LRRK1: variants seen among roughly 807,000 people sequenced by gnomAD.
LRRK1 encodes the protein leucine rich repeat kinase 1, also known as leucine-rich repeat serine/threonine-protein kinase 1.
Under a neutral mutation model 209.1 loss-of-function variants are expected in LRRK1, and 113 were observed. The observed-to-expected ratio is 0.54, with a 90% CI of 0.46 to 0.63. The LOEUF (loss-of-function observed/expected upper bound fraction) is 0.63. Ranked by LOEUF, LRRK1 falls within the 30% of genes least tolerant of loss-of-function variation. The pLI is 0.00. For missense variants in LRRK1, 2,284 were observed against 2,632.2 expected (o/e 0.87, Z 2.89); for synonymous variants, 1,144 against 1,099.7 (o/e 1.04, Z -0.80).
chr15:101,044,537 C>T (rs759717701), intron 20 of LRRK1, among the ~76,000 whole-genome samples: 15 of 152,218 alleles, frequency 9.9e-5, no homozygotes, highest in Non-Finnish European at 1.8e-4. Context: ...ACCTGGAGAC[C>T]ACTGCTTCCC....
intron 10 of LRRK1, among the ~76,000 whole-genome samples, chr15:101,013,821 T>C (rs2033399482): frequency 6.6e-6 from 1 of 151,954 alleles, no homozygotes; most frequent in African/African-American, 2.4e-5. Flanking sequence ...GCAGAGGGCA[T>C]GCGGCTAGGA....
intron 21 of LRRK1, 144 bp from the exon 22 acceptor site, chr15:101,048,350 C>A: frequency 1.7e-6 from 1 of 582,564 alleles, no homozygotes; most frequent in Non-Finnish European, 2.9e-6. Flanking sequence ...AATTTGGCAG[C>A]AGGGATGAGC....
Position 101,022,583 on chromosome 15 carries a change from G to A in LRRK1, c.2053G>A (p.Gly685Ser). ...CAAGTGGGAGCTCCAGAGGCCGGCT[G>A]GCTCGAGAGCCAAGGTCAAGGATGG... ...TTKWELQRPA[G>S]SRAKVESVEF... The change falls in exon 15 of 34, where the codon GGC (glycine) becomes AGC (serine). Residue 685 changes from glycine to serine, a missense_variant. Around this residue, in one of 6 missense-constraint regions of LRRK1, gnomAD observed 780 missense variants for 985.2 expected, o/e 0.79. Transcript: ENST00000388948. This position sits in a 1 kb window ranked among gnomAD's most constrained non-coding sequence, Gnocchi z 4.0. The A allele has an allele frequency of 6.2e-7, 1 of 1,611,246 alleles. No individual in the cohort carries two copies. The highest frequency in any genetic ancestry group is 1.3e-5 in the African/African-American group (1 of 75,014).
At chr15:100,989,660 C>T in intron 6 of LRRK1, 1 of 577,618 alleles carries the variant, frequency 1.7e-6, no homozygotes. Context: ...AACCCACTTC[C>T]ACAATAACAA....
At chr15:100,958,745 C>T (rs189853568) in intron 2 of LRRK1, among the ~76,000 whole-genome samples, 2 of 152,304 alleles carry the variant, frequency 1.3e-5, no homozygotes, top group African/African-American at 4.8e-5. Flanking sequence ...CTCACAATAA[C>T]CCCTCTGAAG....
At chr15:100,971,902 C>T (rs570225837) in intron 2 of LRRK1, among the ~76,000 whole-genome samples, 2 of 152,228 alleles carry the variant, frequency 1.3e-5, no homozygotes, top group African/African-American at 4.8e-5. Flanking sequence ...TCTTTTTGTG[C>T]CTGCTTATTT....
chr15:101,056,964 C>T lies in LRRK1; in HGVS notation c.4441C>T (p.Arg1481Cys). 3.1e-6 allele frequency: 5 copies of T among 1,614,168 alleles called. No homozygotes were observed. Among genetic ancestry groups the T allele is most frequent in the South Asian group, 1.1e-5 (1 of 91,070 alleles). The change falls in exon 28 of 34, where the codon CGC (arginine) becomes TGC (cysteine). Residue 1481 changes from arginine to cysteine, a missense_variant. Around this residue, in one of 6 missense-constraint regions of LRRK1, gnomAD observed 59 missense variants for 103.8 expected, o/e 0.57. Coordinates refer to ENST00000388948, the MANE Select transcript of LRRK1 (RefSeq NM_024652.6). The part of the protein sequence containing the change: ...QIAKKLSKGI[R>C]PVLGQPEEVQ... ...TGCCAAGAAGCTGTCCAAGGGCATC[C>T]GCCCGGTTCTGGGGCAGCCGGAGGA...
In LRRK1 at chr15:101,055,011, C is replaced by G; in HGVS notation, c.4120C>G (p.Leu1374Val). The G allele has an allele frequency of 6.2e-7, 1 of 1,614,158 alleles. No individual in the cohort carries two copies. The highest frequency in any genetic ancestry group is 1.1e-5 in the South Asian group (1 of 91,068). The change falls in exon 27 of 34, where the codon CTG (leucine) becomes GTG (valine). Residue 1374 changes from leucine (L) to valine (V), a missense_variant. This residue lies in a region of LRRK1 where 780 missense variants were observed against 985.2 expected (regional missense o/e 0.79). Coordinates refer to ENST00000388948, the MANE Select transcript of LRRK1 (RefSeq NM_024652.6). Reference protein sequence around the residue: ...QKIAYQIASGLAYLHKKNIIF... With the variant: ...QKIAYQIASGVAYLHKKNIIF... ...AATAGCCTACCAGATCGCCTCGGGC[C>G]TGGCCTACCTGCACAAGAAAAACAT... is the stretch of plus-strand genomic sequence containing the variant.
At chr15:100,950,904 C>T (rs1024282366) in intron 2 of LRRK1, among the ~76,000 whole-genome samples, 2 of 152,172 alleles carry the variant, frequency 1.3e-5, no homozygotes, top group Admixed American at 6.5e-5. Context: ...GAGATCGAGA[C>T]CATCCTGGCT....
chr15:101,053,375 G>C lies in LRRK1; in HGVS notation c.4009G>C (p.Ala1337Pro). The C allele has an allele frequency of 1.2e-6, 2 of 1,600,540 alleles. No homozygotes were observed. Among genetic ancestry groups the C allele is most frequent in the Non-Finnish European group, 1.7e-6 (2 of 1,179,678 alleles). ...CCCGCTCTGCTTCGCCCTGGAGCTC[G>C]CGCCGCTCAGCAGCCTCAACACCGT... ...IHPLCFALEL[A>P]PLSSLNTVLS... The change falls in exon 26 of 34, where the codon GCG becomes CCG. Residue 1337 changes from alanine to proline, a missense_variant. Physicochemically the swap from Ala to Pro is conservative, Grantham distance 27. Coordinates refer to ENST00000388948, the MANE Select transcript of LRRK1 (RefSeq NM_024652.6).
rs1299019662 is a variant in LRRK1, at chr15:101,046,112, T to C, written c.3095T>C (p.Ile1032Thr). ...FVPVGFWQRFIARMLISLAEM... is the reference protein window; with the variant it reads ...FVPVGFWQRFTARMLISLAEM... ...CCCGTTGGCTTCTGGCAAAGGTTTATAGCACGGATGCTGATCAGCCTGGCG... is the reference window on the plus strand; with the variant it reads ...CCCGTTGGCTTCTGGCAAAGGTTTACAGCACGGATGCTGATCAGCCTGGCG... The change falls in exon 21 of 34, where the codon ATA becomes ACA. Residue 1032 changes from isoleucine to threonine, a missense_variant. Ile to Thr is a moderately conservative substitution (Grantham distance 89). Coordinates refer to ENST00000388948, the MANE Select transcript of LRRK1 (RefSeq NM_024652.6). The C allele has an allele frequency of 1.2e-6, 2 of 1,614,256 alleles. No homozygotes were observed. Among genetic ancestry groups the C allele is most frequent in the South Asian group, 2.2e-5 (2 of 91,084 alleles).
rs778978216 is a variant in LRRK1 at position 101,061,279 on chromosome 15, A to C, written c.4788A>C (p.Thr1596=). 8 of 1,612,324 alleles carry C rather than the reference A, an allele frequency of 5.0e-6. No individual in the cohort carries two copies. Among genetic ancestry groups the C allele is most frequent in the Non-Finnish European group, 6.8e-6 (8 of 1,178,458 alleles). ...TCCAGGTCCAGAGATCCCTGTGGAC[A>C]GCCACCGAGGTAAGCACTGCCCGCA... ...CQLQVQRSLW[T]ATEDQKIYIY... Residue 1596 remains threonine (T), a synonymous_variant, in exon 30 of 34, where the codon ACA becomes ACC. Coordinates refer to ENST00000388948, the MANE Select transcript of LRRK1 (RefSeq NM_024652.6).
chr15:101,042,383 C>T (rs186380294), intron 20 of LRRK1, among the ~76,000 whole-genome samples: 16 of 152,306 alleles, frequency 1.1e-4, no homozygotes, highest in Non-Finnish European at 2.1e-4. Flanking sequence ...CCTCAGTCTT[C>T]GTCACCCCTG....
chr15:101,062,352 T>C (rs1261183340), intron 30 of LRRK1: 2 of 469,164 alleles, frequency 4.3e-6, no homozygotes, highest in Non-Finnish European at 7.7e-6. Flanking sequence ...GGGGAATAGA[T>C]GACGGGCTAT....
chr15:100,941,963 C>T (rs773591142), intron 2 of LRRK1, among the ~76,000 whole-genome samples: 48 of 152,172 alleles, frequency 3.2e-4, no homozygotes, highest in South Asian at 2.1e-4. Context: ...CCAGCAGCCT[C>T]GGAGCTCTCC....
At chr15:100,957,511 CTT>C (rs35667679) in intron 2 of LRRK1, among the ~76,000 whole-genome samples, 20,149 of 152,184 alleles carry the variant, frequency 0.13, 1,454 homozygotes, top group African/African-American at 0.19. Flanking sequence ...TTAGTACACT[CTT>C]TTAATGAATT....
chr15:100,937,335 T>C (rs2042317866), intron 2 of LRRK1, among the ~76,000 whole-genome samples: 3 of 152,108 alleles, frequency 2.0e-5, no homozygotes, highest in African/African-American at 7.2e-5. Flanking sequence ...TTACTACCAA[T>C]TGCCGTCTCT....
intron 6 of LRRK1, among the ~76,000 whole-genome samples, chr15:100,993,395 C>A (rs180768357): frequency 6.6e-6 from 1 of 152,254 alleles, no homozygotes; most frequent in East Asian, 1.9e-4. Context: ...GATACAAGTA[C>A]ATATATTTAT....
chr15:100,981,605 T>C (rs1387094958), intron 3 of LRRK1, among the ~76,000 whole-genome samples: 1 of 152,212 alleles, frequency 6.6e-6, no homozygotes, highest in Non-Finnish European at 1.5e-5. Context: ...CAGAGACTCT[T>C]GGGCTTTAGA....
Sources: allele counts gnomAD v4.1 joint callset (sites outside exome capture counted in the v4.1 genomes callset), GRCh38; gene constraint gnomAD v4.1.1; regional missense constraint gnomAD v4.1.1; non-coding constraint Gnocchi (gnomAD v3.1); transcripts MANE v1.5; gene names NCBI Gene and HGNC (gene_info 2026-07-23, HGNC 2026-07-21).